Variants in PIP5K1B observed in about 807,000 individuals in gnomAD.
The protein encoded by PIP5K1B is phosphatidylinositol-4-phosphate 5-kinase type 1 beta.
PIP5K1B carries 42 observed loss-of-function variants against 67.0 expected under a neutral mutation model. The observed-to-expected ratio is 0.63, with a 90% confidence interval of 0.49 to 0.81. The LOEUF (loss-of-function observed/expected upper bound fraction) is 0.81. Ranked by LOEUF, PIP5K1B falls within the 30% of genes least tolerant of loss-of-function variation. PIP5K1B has a pLI of 0.00. For synonymous variants in PIP5K1B, 214 were observed against 231.4 expected (o/e 0.92, Z 0.68); for missense variants, 459 against 646.3 (o/e 0.71, Z 3.14).
At chr9:68,801,449 G>T (rs981449726) in intron 2 of PIP5K1B, among the ~76,000 whole-genome samples, 3 of 152,168 alleles carry the variant, frequency 2.0e-5, no homozygotes, top group African/African-American at 7.2e-5. Flanking sequence ...GAGGGTACAT[G>T]TAATACTGAG....
chr9:68,941,547 G>A (rs950445724), intron 14 of PIP5K1B, among the ~76,000 whole-genome samples: 10 of 152,098 alleles, frequency 6.6e-5, no homozygotes, highest in Admixed American at 5.9e-4. Flanking sequence ...TTTTATATAA[G>A]CACTGTTTTA....
chr9:68,953,820 A>C (rs1449718843), intron 14 of PIP5K1B, among the ~76,000 whole-genome samples: 1 of 129,072 alleles, frequency 7.7e-6, no homozygotes, highest in Non-Finnish European at 1.7e-5. Context: ...AAAAAAAAAA[A>C]AAAAAAAAAA....
intron 4 of PIP5K1B, among the ~76,000 whole-genome samples, chr9:68,825,507 T>C (rs903016119): frequency 6.6e-6 from 1 of 152,212 alleles, no homozygotes; most frequent in Admixed American, 6.5e-5. Context: ...ACACAAGTGT[T>C]GTCAAGGCCA....
At chr9:68,834,611 A>G (rs1834500514) in intron 4 of PIP5K1B, among the ~76,000 whole-genome samples, 1 of 151,880 alleles carries the variant, frequency 6.6e-6, no homozygotes, top group African/African-American at 2.4e-5. Context: ...ATTGTTATAG[A>G]TTTTCCAAAG....
intron 2 of PIP5K1B, among the ~76,000 whole-genome samples, chr9:68,814,447 T>C (rs988244925): frequency 2.0e-5 from 3 of 152,146 alleles, no homozygotes; most frequent in African/African-American, 7.2e-5. Flanking sequence ...CTGGAATGTA[T>C]AAGGCAAAAA....
chr9:68,869,334 G>C (rs1823513324), intron 5 of PIP5K1B, among the ~76,000 whole-genome samples: 2 of 152,152 alleles, frequency 1.3e-5, no homozygotes, highest in Non-Finnish European at 2.9e-5. Context: ...TAGGTTGTTT[G>C]CTCCTTATGA....
At chr9:68,820,303 G>A (rs1365584242) in intron 3 of PIP5K1B, among the ~76,000 whole-genome samples, 1 of 152,156 alleles carries the variant, frequency 6.6e-6, no homozygotes, top group Non-Finnish European at 1.5e-5. Context: ...CTAGAAAAAT[G>A]AATTATTCTT....
rs1832912587 is a variant in PIP5K1B, at chr9:68,807,086, A to G, written c.-85-11375A>G. ...CTCTAATCCTGTTAAAGACTTTCCCATTATTACATGTGCTTGAGTTTTGGC... is the reference window on the plus strand; with the variant it reads ...CTCTAATCCTGTTAAAGACTTTCCCGTTATTACATGTGCTTGAGTTTTGGC... On this transcript the variant is annotated intron_variant, in intron 2 of 15. Coordinates refer to ENST00000265382, the MANE Select transcript of PIP5K1B (RefSeq NM_003558.4). Among the ~76,000 whole-genome samples the G allele has an allele frequency of 1.3e-5, 2 of 152,076 alleles. 1 individual carries two copies. The highest frequency in any genetic ancestry group is 4.1e-4 in the South Asian group (2 of 4,834).
intron 1 of PIP5K1B, among the ~76,000 whole-genome samples, chr9:68,738,347 T>C (rs575365293): frequency 6.6e-6 from 1 of 152,360 alleles, no homozygotes; most frequent in Admixed American, 6.5e-5. Flanking sequence ...TTAAAAACAG[T>C]AACACTTGTA....
chr9:68,826,847 G>A (rs1212162553), intron 4 of PIP5K1B, among the ~76,000 whole-genome samples: 1 of 152,204 alleles, frequency 6.6e-6, no homozygotes, highest in Admixed American at 6.5e-5. Flanking sequence ...TGCCTCCCGG[G>A]TTCAAGCGAT....
At chr9:68,719,549 T>A (rs759436178) in intron 1 of PIP5K1B, among the ~76,000 whole-genome samples, 1 of 152,254 alleles carries the variant, frequency 6.6e-6, no homozygotes, top group Admixed American at 6.5e-5. Flanking sequence ...AACGGTGTCA[T>A]TGCTGTGGCA....
At position 68,876,706 on chromosome 9, in the gene PIP5K1B, A is replaced by G; in HGVS notation, c.230A>G (p.His77Arg). Residue 77 changes from histidine (H) to arginine (R), a missense_variant, in exon 6 of 16, where the codon CAC becomes CGC. Physicochemically the swap from His to Arg is conservative, Grantham distance 29 (BLOSUM62 0). Around this residue, in one of 2 missense-constraint regions of PIP5K1B, gnomAD observed 290 missense variants for 474.4 expected, o/e 0.61. Transcript: ENST00000265382. ...SEGSNLTPAHHYPDFRFKTYA... is the reference protein window; with the variant it reads ...SEGSNLTPAHRYPDFRFKTYA... ...GGGAGCAATCTGACCCCAGCACATC[A>G]CTACCCAGACTTTAGATTTAAGACA... 1 of 1,607,288 alleles carries G rather than the reference A, an allele frequency of 6.2e-7. No individual in the cohort carries two copies. The highest frequency in any genetic ancestry group is 8.5e-7 in the Non-Finnish European group (1 of 1,173,732).
At chr9:68,802,501 A>G (rs1267184538) in intron 2 of PIP5K1B, among the ~76,000 whole-genome samples, 3 of 152,240 alleles carry the variant, frequency 2.0e-5, no homozygotes, top group African/African-American at 7.2e-5. Context: ...ATAGTGTACT[A>G]GAAAGAGAAG....
At chr9:69,005,451 G>A (rs192848152) in intron 15 of PIP5K1B, among the ~76,000 whole-genome samples, 11 of 152,024 alleles carry the variant, frequency 7.2e-5, no homozygotes, top group African/African-American at 1.7e-4. Flanking sequence ...TCAATGGTGC[G>A]ATCTCAGCTC....
chr9:68,920,352 A>G lies in PIP5K1B; in HGVS notation c.1116+623A>G, dbSNP rs1241917392. Among the ~76,000 whole-genome samples, 12 of 119,466 alleles carry G rather than the reference A, an allele frequency of 1.0e-4. 1 individual carries two copies. Among genetic ancestry groups the G allele is most frequent in the Admixed American group, 1.9e-4 (2 of 10,496 alleles). The allele number at this position is 119,466 out of a possible 152,430, so 78.4% of individuals were successfully genotyped here. On this transcript the variant is annotated intron_variant, in intron 11 of 15. Coordinates refer to ENST00000265382, the MANE Select transcript of PIP5K1B (RefSeq NM_003558.4). ...AACATTTATACATGCTGGCTGCCTG[A>G]GGTTGTCTTTTTTTTTTTTTTTTTT...
intron 2 of PIP5K1B, among the ~76,000 whole-genome samples, chr9:68,796,185 T>C (rs1393066068): frequency 6.6e-6 from 1 of 152,246 alleles, no homozygotes; most frequent in Non-Finnish European, 1.5e-5. Context: ...CCATGTAATA[T>C]ACAGTGAATG....
At chr9:68,928,788 T>C (rs1826837582) in intron 12 of PIP5K1B, among the ~76,000 whole-genome samples, 1 of 152,230 alleles carries the variant, frequency 6.6e-6, no homozygotes, top group East Asian at 1.9e-4. Context: ...TTATGTTTTC[T>C]AACATTTATC....
At chr9:68,743,464 A>G (rs1409175555) in intron 2 of PIP5K1B, among the ~76,000 whole-genome samples, 4 of 152,146 alleles carry the variant, frequency 2.6e-5, no homozygotes, top group Admixed American at 2.0e-4. Context: ...CAGCCTCCCA[A>G]ACTGTTGGGA....
At chr9:68,864,095 G>A (rs1823244942) in intron 5 of PIP5K1B, 128 bp downstream of exon 5, 2 of 759,536 alleles carry the variant, frequency 2.6e-6, no homozygotes, top group South Asian at 4.4e-5. Flanking sequence ...CCTTTGGCAG[G>A]GCCAAAGGCA....
Sources: allele counts gnomAD v4.1 joint callset (sites outside exome capture counted in the v4.1 genomes callset), GRCh38; gene constraint gnomAD v4.1.1; regional missense constraint gnomAD v4.1.1; transcripts MANE v1.5; gene names NCBI Gene and HGNC (gene_info 2026-07-23, HGNC 2026-07-21).